The following MAF variants were observed in gnomAD, a reference collection of about 807,000 sequenced individuals.
The protein encoded by MAF is transcription factor Maf.
A neutral mutation model predicts 22.0 loss-of-function variants in MAF; 10 were observed. The ratio of observed to expected loss-of-function variants is 0.45; its 90% CI spans 0.28 to 0.77. The LOEUF is 0.77. Ranked by LOEUF, MAF falls within the 30% of genes least tolerant of loss-of-function variation. The probability of loss-of-function intolerance (pLI) is 0.12; values close to 1 mark genes in which losing one functional copy is unlikely to be tolerated. For missense variants in MAF, 544 were observed against 548.4 expected (o/e 0.99, Z 0.08); for synonymous variants, 337 against 255.8 (o/e 1.32, Z -3.03).
the MAF span, among the ~76,000 whole-genome samples, chr16:79,530,431 T>C: frequency 4.6e-5 from 7 of 152,312 alleles, no homozygotes; most frequent in Admixed American, 2.0e-4. Context: ...GGGAAGCAGT[T>C]TTACTCCATT....
chr16:79,408,372 C>T, the MAF span, among the ~76,000 whole-genome samples: 1 of 152,032 alleles, frequency 6.6e-6, no homozygotes, highest in Non-Finnish European at 1.5e-5. Flanking sequence ...GACGGGGTTT[C>T]GCCATGTTGT....
At chr16:79,506,392 C>T in the MAF span, among the ~76,000 whole-genome samples, 2 of 152,128 alleles carry the variant, frequency 1.3e-5, no homozygotes, top group African/African-American at 4.8e-5. Flanking sequence ...AGTGGCTCAA[C>T]CTCAGAGTGT....
At chr16:79,507,617 G>C in the MAF span, among the ~76,000 whole-genome samples, 7 of 149,296 alleles carry the variant, frequency 4.7e-5, no homozygotes, top group Non-Finnish European at 8.9e-5. Context: ...AGTAGAGATG[G>C]GGTTTCACTA....
At position 79,598,868 on chromosome 16, in the gene MAF, C is replaced by T. The variant is rs1159450933; in HGVS notation, c.1035G>A (p.Lys345=). 5.6e-6 allele frequency: 9 copies of T among 1,613,774 alleles called. No homozygotes were observed. The highest frequency in any genetic ancestry group is 2.2e-5 in the East Asian group (1 of 44,810). Residue 345 remains lysine (K), a synonymous_variant, in exon 1 of 2, where the codon AAG becomes AAA. Transcript: ENST00000326043. The part of the protein sequence containing the change: ...SRLVRERDAY[K]EKYEKLVSSG... The stretch of plus-strand genomic sequence containing the variant: ...TGCTCACCAACTTCTCGTATTTCTC[C>T]TTGTACGCGTCCCTCTCGCGCACCA...
the MAF span, among the ~76,000 whole-genome samples, chr16:79,318,072 A>G: frequency 6.6e-6 from 1 of 152,194 alleles, no homozygotes; most frequent in African/African-American, 2.4e-5. Context: ...TCGTTCATTC[A>G]TTCATTCTCC....
the MAF span, among the ~76,000 whole-genome samples, chr16:79,470,171 T>A: frequency 6.6e-6 from 1 of 152,202 alleles, no homozygotes; most frequent in Non-Finnish European, 1.5e-5. Flanking sequence ...AATGTCCCAA[T>A]AGATCACATG....
chr16:79,548,476 T>G, the MAF span, among the ~76,000 whole-genome samples: 1 of 152,318 alleles, frequency 6.6e-6, no homozygotes, highest in African/African-American at 2.4e-5. Context: ...ACACATTGGT[T>G]AGTTGGTCTT....
At chr16:79,238,295 A>G in the MAF span, among the ~76,000 whole-genome samples, 13 of 152,102 alleles carry the variant, frequency 8.5e-5, no homozygotes, top group Non-Finnish European at 4.4e-5. Flanking sequence ...AGAGGCCACA[A>G]TGAAAGCTTT....
chr16:79,392,135 C>G, the MAF span, among the ~76,000 whole-genome samples: 1 of 129,436 alleles, frequency 7.7e-6, no homozygotes, highest in African/African-American at 3.0e-5. Flanking sequence ...AGAGAGGGAA[C>G]TGGGGAGGGG....
At chr16:79,341,441 C>T in the MAF span, among the ~76,000 whole-genome samples, 1 of 152,190 alleles carries the variant, frequency 6.6e-6, no homozygotes, top group African/African-American at 2.4e-5. Flanking sequence ...CATCTCTTCT[C>T]AACTCACACC....
chr16:79,392,243 G>A, the MAF span, among the ~76,000 whole-genome samples: 2 of 146,014 alleles, frequency 1.4e-5, no homozygotes, highest in African/African-American at 2.5e-5. Flanking sequence ...AGGGGGAGAG[G>A]AGAAAGAGAG....
chr16:79,538,337 C>G, the MAF span, among the ~76,000 whole-genome samples: 1 of 152,176 alleles, frequency 6.6e-6, no homozygotes, highest in Non-Finnish European at 1.5e-5. Flanking sequence ...TTGACAAACA[C>G]TGTTAGAAAA....
At chr16:79,432,215 A>T in the MAF span, among the ~76,000 whole-genome samples, 1 of 152,130 alleles carries the variant, frequency 6.6e-6, no homozygotes, top group Non-Finnish European at 1.5e-5. Context: ...GCTGGCACTC[A>T]TTCTCTCTCC....
At chr16:79,422,877 G>A in the MAF span, among the ~76,000 whole-genome samples, 1 of 152,168 alleles carries the variant, frequency 6.6e-6, no homozygotes, top group Non-Finnish European at 1.5e-5. Context: ...TAAGGTCTCT[G>A]CTGTCATGGA....
chr16:79,311,732 G>A, the MAF span, among the ~76,000 whole-genome samples: 1 of 152,130 alleles, frequency 6.6e-6, no homozygotes, highest in African/African-American at 2.4e-5. Flanking sequence ...TTCCCCAAGT[G>A]CTTTAGCCCA....
the MAF span, among the ~76,000 whole-genome samples, chr16:79,512,254 CTT>C: frequency 6.6e-6 from 1 of 152,204 alleles, no homozygotes; most frequent in African/African-American, 2.4e-5. Flanking sequence ...CTCCCAGACT[CTT>C]TATTTTAAGG....
chr16:79,346,747 T>A, the MAF span, among the ~76,000 whole-genome samples: 1 of 152,198 alleles, frequency 6.6e-6, no homozygotes, highest in African/African-American at 2.4e-5. Context: ...TAATGGAGAC[T>A]GAAAACAACA....
At chr16:79,244,447 T>C in the MAF span, among the ~76,000 whole-genome samples, 3 of 152,108 alleles carry the variant, frequency 2.0e-5, no homozygotes, top group South Asian at 6.2e-4. Flanking sequence ...GCCAAATCAT[T>C]AGTGAACTCC....
the MAF span, among the ~76,000 whole-genome samples, chr16:79,244,489 C>G: frequency 1.3e-5 from 2 of 151,916 alleles, no homozygotes; most frequent in Non-Finnish European, 2.9e-5. Flanking sequence ...GAATAAAATA[C>G]CTAGGAATAC....
Sources: gnomAD v4.1 joint callset for allele counts (sites outside exome capture counted in the v4.1 genomes callset) on GRCh38, gnomAD v4.1.1 for gene constraint, MANE v1.5 for transcripts, NCBI Gene and HGNC (gene_info 2026-07-23, HGNC 2026-07-21) for gene names.